Variants in ZAP70 observed in about 807,000 individuals in gnomAD.
ZAP70 encodes the protein tyrosine-protein kinase ZAP-70.
In ZAP70, 27 loss-of-function variants were observed where a neutral mutation model predicts 65.8. That is an observed-to-expected ratio of 0.41 (90% confidence interval 0.30 to 0.57). ZAP70 has a LOEUF of 0.57. Among genes scored for constraint, ZAP70 ranks in the 20% least tolerant of loss-of-function variants. The pLI is 0.28. For missense variants in ZAP70, 696 were observed against 870.5 expected (o/e 0.80, Z 2.52); for synonymous variants, 363 against 360.8 (o/e 1.01, Z -0.07).
chr2:97,714,172 C>T (rs760377791), intron 2 of ZAP70, among the ~76,000 whole-genome samples, 178 bp downstream of exon 2: 1 of 152,140 alleles, frequency 6.6e-6, no homozygotes, highest in African/African-American at 2.4e-5. Flanking sequence ...CTTGTGGCCA[C>T]GCTGAGGGAA....
chr2:97,716,845 C>T (rs1001648938), intron 2 of ZAP70, among the ~76,000 whole-genome samples: 2 of 152,122 alleles, frequency 1.3e-5, no homozygotes, highest in Non-Finnish European at 2.9e-5. Context: ...TGACGGGGGC[C>T]AGCAAGTCTC....
At chr2:97,751,042 C>T in the ZAP70 span, among the ~76,000 whole-genome samples, 8 of 151,860 alleles carry the variant, frequency 5.3e-5, 1 homozygote, top group South Asian at 4.2e-4. Flanking sequence ...GATAATTTTA[C>T]GCTGGATTGC....
chr2:97,735,392 G>A lies in ZAP70; in HGVS notation c.1225G>A (p.Ala409Thr). ...GCTCATTGGCGTCTGCCAGGCCGAGGCCCTCATGCTGGTCATGGAGATGGC... is the reference window on the plus strand; with the variant it reads ...GCTCATTGGCGTCTGCCAGGCCGAGACCCTCATGCTGGTCATGGAGATGGC... ...VRLIGVCQAE[A>T]LMLVMEMAGG... is the part of the protein sequence containing the mutation. Residue 409 changes from alanine to threonine, a missense_variant, in exon 10 of 14, where the codon GCC becomes ACC. Transcript: ENST00000264972. 2 of 1,614,072 alleles carry A rather than the reference G, an allele frequency of 1.2e-6. No individual in the cohort carries two copies. The highest frequency in any genetic ancestry group is 1.7e-6 in the Non-Finnish European group (2 of 1,179,964).
chr2:97,725,789 G>A (rs965843413), intron 4 of ZAP70, among the ~76,000 whole-genome samples: 1 of 152,210 alleles, frequency 6.6e-6, no homozygotes, highest in Non-Finnish European at 1.5e-5. Context: ...CTGAGGAAGG[G>A]AAAGAAGCTG....
intron 2 of ZAP70, among the ~76,000 whole-genome samples, chr2:97,723,416 C>G (rs1677237637): frequency 6.6e-6 from 1 of 152,166 alleles, no homozygotes; most frequent in Admixed American, 6.5e-5. Context: ...CTGCCTGATG[C>G]GCTGTCCCGC....
the ZAP70 span, among the ~76,000 whole-genome samples, chr2:97,754,454 G>C: frequency 6.6e-6 from 1 of 152,026 alleles, no homozygotes; most frequent in Non-Finnish European, 1.5e-5. Flanking sequence ...CCAGGCTGGA[G>C]TGCAGTGGTA....
At chr2:97,740,347 T>C (rs1026679187), downstream of ZAP70, among the ~76,000 whole-genome samples, 1 of 152,258 alleles carries the variant, frequency 6.6e-6, no homozygotes, top group African/African-American at 2.4e-5. Context: ...TTTAAATTAA[T>C]TGTTTTAAAA....
intron 4 of ZAP70, among the ~76,000 whole-genome samples, chr2:97,728,323 C>G (rs1677471209): frequency 1.3e-5 from 2 of 152,210 alleles, no homozygotes; most frequent in Admixed American, 1.3e-4. Context: ...CATCTGGGCA[C>G]AGCATAGAGC....
chr2:97,738,288 T>G (rs1348027746), intron 13 of ZAP70, 181 bp downstream of exon 13: 12 of 670,100 alleles, frequency 1.8e-5, no homozygotes, highest in East Asian at 8.2e-5. Flanking sequence ...CAGGGTTTGC[T>G]GTCCTGCTCC....
intron 4 of ZAP70, chr2:97,732,642 C>T (rs992584158): frequency 2.1e-5 from 13 of 610,682 alleles, no homozygotes; most frequent in Non-Finnish European, 3.4e-5. Context: ...TCTGTTGGCT[C>T]TTGGAGAACA....
chr2:97,714,721 G>C (rs758901768), intron 2 of ZAP70, among the ~76,000 whole-genome samples: 23 of 152,184 alleles, frequency 1.5e-4, no homozygotes, highest in Non-Finnish European at 2.4e-4. Context: ...ACAGTAGGCA[G>C]ACAGGAGGTG....
At chr2:97,746,605 C>T in the ZAP70 span, among the ~76,000 whole-genome samples, 2 of 152,174 alleles carry the variant, frequency 1.3e-5, no homozygotes, top group Non-Finnish European at 2.9e-5. Context: ...TTCCCAGCCT[C>T]CAGAGCTGGG....
chr2:97,730,107 A>G (rs1333702707), intron 4 of ZAP70, among the ~76,000 whole-genome samples: 1 of 152,148 alleles, frequency 6.6e-6, no homozygotes, highest in Non-Finnish European at 1.5e-5. Context: ...GGTGCCTGTA[A>G]TCCCAGCTAC....
At chr2:97,752,272 G>A in the ZAP70 span, among the ~76,000 whole-genome samples, 1 of 152,208 alleles carries the variant, frequency 6.6e-6, no homozygotes, top group Non-Finnish European at 1.5e-5. Context: ...TTCACAGGGG[G>A]ATGTTTTGTA....
chr2:97,727,549 G>A (rs560963464), intron 4 of ZAP70, among the ~76,000 whole-genome samples: 21 of 152,196 alleles, frequency 1.4e-4, no homozygotes, highest in Admixed American at 2.0e-4. Flanking sequence ...TATCCCCCTC[G>A]TCCATTACAT....
chr2:97,745,737 G>C, the ZAP70 span, among the ~76,000 whole-genome samples: 1 of 152,186 alleles, frequency 6.6e-6, no homozygotes. Flanking sequence ...CAGCCTCTGT[G>C]GAAAGCAGTT....
Position 97,737,897 on chromosome 2 carries a change from G to T in ZAP70, c.1623G>T (p.Lys541Asn). 6.2e-7 allele frequency: 1 copy of T among 1,614,128 alleles called. No individual in the cohort carries two copies. The highest frequency in any genetic ancestry group is 8.5e-7 in the Non-Finnish European group (1 of 1,179,964). The change falls in exon 12 of 14, where the codon AAG (lysine) becomes AAT (asparagine). Residue 541 changes from lysine (K) to asparagine (N), a missense_variant and splice_region_variant. Lys to Asn is a moderately conservative substitution (Grantham distance 94). This residue lies in a region of ZAP70 where 67 missense variants were observed against 151.9 expected (regional missense o/e 0.44). Coordinates refer to ENST00000264972, the MANE Select transcript of ZAP70 (RefSeq NM_001079.4). The surrounding 1 kb of genome is among the most constrained non-coding windows in gnomAD (Gnocchi z 5.0). ...TGTCCTACGGCCAGAAGCCCTACAA[G>T]GCAGGCGCGGGCAGAGGCAGGTGGG... ...EALSYGQKPY[K>N]KMKGPEVMAF...
chr2:97,726,060 C>T (rs1457253934), intron 4 of ZAP70, among the ~76,000 whole-genome samples: 1 of 152,002 alleles, frequency 6.6e-6, no homozygotes, highest in African/African-American at 2.4e-5. Flanking sequence ...GACAGCAGTA[C>T]CTCCCCTCAG....
downstream of ZAP70, among the ~76,000 whole-genome samples, chr2:97,743,287 G>A (rs1393443925): frequency 1.3e-5 from 2 of 152,074 alleles, no homozygotes; most frequent in African/African-American, 2.4e-5. Context: ...TTTCACATAT[G>A]AGCTCCTGGT....
Sources: gnomAD v4.1 joint callset for allele counts (sites outside exome capture counted in the v4.1 genomes callset) on GRCh38, gnomAD v4.1.1 for gene constraint, gnomAD v4.1.1 regional missense constraint, Gnocchi (gnomAD v3.1) non-coding constraint, MANE v1.5 for transcripts, NCBI Gene and HGNC (gene_info 2026-07-23, HGNC 2026-07-21) for gene names.